The following EIF4G3 variants were observed in gnomAD, a reference collection of about 807,000 sequenced individuals.
The protein encoded by EIF4G3 is eukaryotic translation initiation factor 4 gamma 3, also known as eIF-4-gamma 3.
A neutral mutation model predicts 186.4 loss-of-function variants in EIF4G3; 34 were observed. The ratio of observed to expected loss-of-function variants is 0.18; its 90% CI spans 0.14 to 0.24. EIF4G3 has a LOEUF of 0.24. EIF4G3 is among the 10% of genes least tolerant of loss of function. EIF4G3 has a pLI of 1.00. For synonymous variants in EIF4G3, 673 were observed against 679.5 expected (o/e 0.99, Z 0.15); for missense variants, 1,536 against 1,948.5 (o/e 0.79, Z 3.99).
chr1:20,821,730 G>A (rs2062421796), intron 33 of EIF4G3, among the ~76,000 whole-genome samples: 1 of 149,464 alleles, frequency 6.7e-6, no homozygotes, highest in African/African-American at 2.5e-5. Context: ...TCCCTATTAT[G>A]TATACTTCAC....
chr1:21,040,730 G>C (rs1349355664), intron 4 of EIF4G3, among the ~76,000 whole-genome samples: 1 of 152,202 alleles, frequency 6.6e-6, no homozygotes, highest in Non-Finnish European at 1.5e-5. Flanking sequence ...AATATGGTCT[G>C]AGAAGGACTC....
intron 22 of EIF4G3, among the ~76,000 whole-genome samples, chr1:20,862,547 G>A (rs376275207): frequency 2.0e-5 from 3 of 152,026 alleles, no homozygotes; most frequent in African/African-American, 4.8e-5. Context: ...CGAGTAGCTG[G>A]GACTACAGGC....
At chr1:21,143,883 CCGCA>C (rs1180596771) in intron 2 of EIF4G3, among the ~76,000 whole-genome samples, 4 of 152,116 alleles carry the variant, frequency 2.6e-5, no homozygotes, top group Non-Finnish European at 5.9e-5. Context: ...GATCATGCCA[CCGCA>C]CTCCAGCCTG....
chr1:21,109,004 G>A (rs2096668091), intron 2 of EIF4G3, among the ~76,000 whole-genome samples: 1 of 151,644 alleles, frequency 6.6e-6, no homozygotes, highest in African/African-American at 2.4e-5. Context: ...GATCGCATGA[G>A]GCAAAGAGTT....
intron 13 of EIF4G3, among the ~76,000 whole-genome samples, chr1:20,942,646 G>A (rs1268386844): frequency 1.3e-5 from 2 of 152,080 alleles, no homozygotes; most frequent in East Asian, 3.9e-4. Context: ...TAAGAGTGAG[G>A]CTTTTCTTTA....
chr1:20,975,783 A>AT (rs912578413), intron 10 of EIF4G3, among the ~76,000 whole-genome samples: 2 of 152,090 alleles, frequency 1.3e-5, no homozygotes, highest in African/African-American at 4.8e-5. Flanking sequence ...AATGAAGTAC[A>AT]TTTGTATAGA....
chr1:20,961,892 A>G (rs1169698381), intron 12 of EIF4G3, among the ~76,000 whole-genome samples: 1 of 152,240 alleles, frequency 6.6e-6, no homozygotes, highest in Non-Finnish European at 1.5e-5. Context: ...TTTTTATCGT[A>G]GTCACCACTA....
chr1:21,002,605 G>A (rs1256092085), intron 5 of EIF4G3, 108 bp downstream of exon 5: 2 of 1,177,290 alleles, frequency 1.7e-6, no homozygotes, highest in African/African-American at 1.6e-5. Context: ...ATCATCTTTG[G>A]AACAAACTTC....
rs963747252 is a variant in EIF4G3 at position 20,810,408 on chromosome 1, C to G, written c.4744+330G>C. Among the ~76,000 whole-genome samples the G allele has an allele frequency of 1.3e-5, 2 of 152,146 alleles. No individual in the cohort carries two copies. The highest frequency in any genetic ancestry group is 4.8e-5 in the African/African-American group (2 of 41,434). ...TGACCTCATGATCCATCTGCCTCGG[C>G]CTCCCAAAGTGCTGGGATTACAGGT... On this transcript the variant is annotated intron_variant, in intron 36 of 36. Coordinates refer to ENST00000602326, the MANE Select transcript of EIF4G3 (RefSeq NM_001391906.1). The surrounding 1 kb of genome is among the most constrained non-coding windows in gnomAD (Gnocchi z 4.1).
rs2095735030 is a variant in EIF4G3 at position 20,941,988 on chromosome 1, T to C, written c.1166A>G (p.Asp389Gly). 6.2e-7 allele frequency: 1 copy of C among 1,614,214 alleles called. No homozygotes were observed. Among genetic ancestry groups the C allele is most frequent in the Non-Finnish European group, 8.5e-7 (1 of 1,180,034 alleles). Residue 389 changes from aspartate (D) to glycine (G), a missense_variant, in exon 14 of 37, where the codon GAT becomes GGT. Asp to Gly is a moderately conservative substitution (Grantham distance 94, BLOSUM62 -1). Around this residue, in one of 11 missense-constraint regions of EIF4G3, gnomAD observed 560 missense variants for 547.8 expected, o/e 1.02. Coordinates refer to ENST00000602326, the MANE Select transcript of EIF4G3 (RefSeq NM_001391906.1). ...ACTACAGGGTTTCTTGCATATATCA[T>C]CATCATTTTCATTTGTTGGTAAAGG... ...SDPLPTNEND[D>G]DICKKPCSVA... is the part of the protein sequence containing the mutation.
intron 30 of EIF4G3, among the ~76,000 whole-genome samples, chr1:20,840,540 C>T (rs1489993375): frequency 2.0e-5 from 3 of 152,188 alleles, no homozygotes; most frequent in Non-Finnish European, 4.4e-5. Flanking sequence ...TTGGGGATCA[C>T]ATGTAAATGG....
chr1:20,997,516 G>A, intron 7 of EIF4G3, 85 bp downstream of exon 7: 1 of 1,278,478 alleles, frequency 7.8e-7, no homozygotes, highest in Non-Finnish European at 1.1e-6. Context: ...TAGTTCTATG[G>A]GATGGCAGCA....
chr1:20,849,211 CTA>C (rs2072408250), intron 29 of EIF4G3, among the ~76,000 whole-genome samples: 1 of 152,034 alleles, frequency 6.6e-6, no homozygotes, highest in South Asian at 2.1e-4. Flanking sequence ...GCCCACCACT[CTA>C]TGTTGTAAAT....
At chr1:20,995,536 T>A (rs2154568314) in intron 7 of EIF4G3, among the ~76,000 whole-genome samples, 1 of 152,138 alleles carries the variant, frequency 6.6e-6, no homozygotes, top group South Asian at 2.1e-4. Flanking sequence ...CACGCCCGGC[T>A]ACTTTTTGCA....
At chr1:20,840,790 A>C in intron 30 of EIF4G3, 66 bp downstream of exon 30, 1 of 1,458,242 alleles carries the variant, frequency 6.9e-7, no homozygotes, top group Non-Finnish European at 9.5e-7. Flanking sequence ...AGAGGTAAGT[A>C]CTTTGAAAAT....
chr1:21,140,136 C>G (rs2097312385), intron 2 of EIF4G3, among the ~76,000 whole-genome samples: 2 of 152,178 alleles, frequency 1.3e-5, no homozygotes. Flanking sequence ...CATAATGTGT[C>G]TTTCTCAGGA....
chr1:20,898,139 G>C (rs1246679785), intron 16 of EIF4G3, among the ~76,000 whole-genome samples: 1 of 151,912 alleles, frequency 6.6e-6, no homozygotes, highest in Non-Finnish European at 1.5e-5. Context: ...TTTAAAAAAA[G>C]TTTTATGATA....
At chr1:21,025,314 T>G (rs2091900509) in intron 4 of EIF4G3, among the ~76,000 whole-genome samples, 1 of 152,124 alleles carries the variant, frequency 6.6e-6, no homozygotes, top group South Asian at 2.1e-4. Flanking sequence ...ATCCAATTTG[T>G]TTAAAAAAGA....
intron 13 of EIF4G3, among the ~76,000 whole-genome samples, chr1:20,943,836 TG>T (rs2095811374): frequency 6.6e-6 from 1 of 152,230 alleles, no homozygotes; most frequent in Non-Finnish European, 1.5e-5. Context: ...GCACAGAAGC[TG>T]GTGCTTCTAA....
Sources: gnomAD v4.1 joint callset for allele counts (sites outside exome capture counted in the v4.1 genomes callset) on GRCh38, gnomAD v4.1.1 for gene constraint, gnomAD v4.1.1 regional missense constraint, Gnocchi (gnomAD v3.1) non-coding constraint, MANE v1.5 for transcripts, NCBI Gene and HGNC (gene_info 2026-07-23, HGNC 2026-07-21) for gene names.